The following ADGRL3 variants were observed in gnomAD, a reference collection of about 807,000 sequenced individuals.
The protein encoded by ADGRL3 is calcium-independent alpha-latrotoxin receptor 3.
Under a neutral mutation model 153.5 loss-of-function variants are expected in ADGRL3, and 62 were observed. The observed-to-expected ratio is 0.40, with a 90% CI of 0.33 to 0.50. ADGRL3 has a LOEUF of 0.50. Among genes scored for constraint, ADGRL3 ranks in the 20% least tolerant of loss-of-function variants. The pLI is 0.47. For missense variants in ADGRL3, 1,641 were observed against 1,859.4 expected, an observed-to-expected ratio of 0.88 and a Z score of 2.16; for synonymous variants, 710 against 672.5, an observed-to-expected ratio of 1.06 and a Z score of -0.86.
chr4:61,832,535 G>A (rs899715874), intron 9 of ADGRL3, among the ~76,000 whole-genome samples: 6 of 152,136 alleles, frequency 3.9e-5, no homozygotes, highest in Non-Finnish European at 2.9e-5. Context: ...CATCAGACCT[G>A]GTTCTGAGAC....
chr4:61,410,880 T>A (rs1236791104), intron 2 of ADGRL3, among the ~76,000 whole-genome samples: 1 of 152,202 alleles, frequency 6.6e-6, no homozygotes, highest in Non-Finnish European at 1.5e-5. Flanking sequence ...CAGCAGGAAC[T>A]GGGATTCCAA....
chr4:61,533,802 A>G (rs988832189), intron 4 of ADGRL3, among the ~76,000 whole-genome samples: 1 of 152,114 alleles, frequency 6.6e-6, no homozygotes, highest in Admixed American at 6.6e-5. Flanking sequence ...ACTCTTTTTG[A>G]AATTTTAGCG....
intron 2 of ADGRL3, among the ~76,000 whole-genome samples, chr4:61,442,151 A>G (rs190129143): frequency 6.6e-6 from 1 of 152,330 alleles, no homozygotes; most frequent in East Asian, 1.9e-4. Context: ...TGATAACTGT[A>G]ATGTTAGTTC....
chr4:61,314,998 G>A (rs73825106), intron 1 of ADGRL3, among the ~76,000 whole-genome samples: 5,019 of 152,240 alleles, frequency 0.033, 168 homozygotes, highest in African/African-American at 0.082. Context: ...ATTGGAAATG[G>A]CAATTCATTT....
chr4:61,549,744 A>G (rs2098731777), intron 4 of ADGRL3, among the ~76,000 whole-genome samples: 1 of 152,008 alleles, frequency 6.6e-6, no homozygotes. Context: ...AGGGCCTTGA[A>G]CAATATCTTG....
chr4:61,745,662 G>A (rs2096647640), intron 8 of ADGRL3, among the ~76,000 whole-genome samples: 1 of 152,328 alleles, frequency 6.6e-6, no homozygotes, highest in South Asian at 2.1e-4. Context: ...CAAATGCTGA[G>A]AGATTTTGTC....
At chr4:62,007,409 CGTATATAT>C (rs2099164364) in intron 21 of ADGRL3, among the ~76,000 whole-genome samples, 1 of 90,864 alleles carries the variant, frequency 1.1e-5, no homozygotes, top group Admixed American at 1.2e-4. Context: ...TATATATACA[CGTATATAT>C]ATATACACAT....
chr4:61,955,470 A>T (rs2098962565), intron 17 of ADGRL3, among the ~76,000 whole-genome samples: 1 of 152,204 alleles, frequency 6.6e-6, no homozygotes, highest in Non-Finnish European at 1.5e-5. Flanking sequence ...ATTTTTCTTT[A>T]AGTACATGAC....
intron 5 of ADGRL3, among the ~76,000 whole-genome samples, chr4:61,594,880 A>T (rs1213311908): frequency 6.6e-6 from 1 of 152,070 alleles, no homozygotes; most frequent in African/African-American, 2.4e-5. Context: ...TGGAACTTAA[A>T]CCACAATACA....
chr4:61,395,928 A>G (rs753996708), intron 2 of ADGRL3, among the ~76,000 whole-genome samples: 29 of 151,934 alleles, frequency 1.9e-4, no homozygotes, highest in Non-Finnish European at 3.2e-4. Context: ...TTGAGAGCGC[A>G]TTGTGCTAAT....
At chr4:61,859,719 G>A (rs2149265864) in intron 9 of ADGRL3, among the ~76,000 whole-genome samples, 1 of 152,276 alleles carries the variant, frequency 6.6e-6, no homozygotes, top group South Asian at 2.1e-4. Context: ...ATTAAATGCT[G>A]AGGAATAACT....
At chr4:61,358,103 CTGT>C (rs964567472) in intron 1 of ADGRL3, among the ~76,000 whole-genome samples, 2 of 152,144 alleles carry the variant, frequency 1.3e-5, no homozygotes, top group African/African-American at 4.8e-5. Context: ...TTTACCAAAG[CTGT>C]TGTTTTTCTG....
At chr4:61,847,554 G>A (rs2098131191) in intron 9 of ADGRL3, among the ~76,000 whole-genome samples, 1 of 123,712 alleles carries the variant, frequency 8.1e-6, no homozygotes, top group Non-Finnish European at 1.6e-5. Context: ...AGTCCCAAAT[G>A]AGAAATTATA....
At chr4:61,586,535 A>C (rs2098947368) in intron 4 of ADGRL3, among the ~76,000 whole-genome samples, 1 of 152,162 alleles carries the variant, frequency 6.6e-6, no homozygotes, top group African/African-American at 2.4e-5. Flanking sequence ...AAATTTTCAG[A>C]GTAAAGTGAA....
intron 1 of ADGRL3, among the ~76,000 whole-genome samples, chr4:61,371,879 A>T (rs1202759172): frequency 6.6e-6 from 1 of 152,174 alleles, no homozygotes; most frequent in Non-Finnish European, 1.5e-5. Context: ...AAGCAGATGT[A>T]GATTTGGTCT....
At chr4:61,782,401 A>T (rs927967113) in intron 8 of ADGRL3, among the ~76,000 whole-genome samples, 1 of 152,166 alleles carries the variant, frequency 6.6e-6, no homozygotes, top group Non-Finnish European at 1.5e-5. Context: ...AGCATTGCTT[A>T]TGGTAATGAA....
intron 21 of ADGRL3, among the ~76,000 whole-genome samples, chr4:62,009,478 T>C (rs2099174078): frequency 6.6e-6 from 1 of 152,110 alleles, no homozygotes; most frequent in Admixed American, 6.6e-5. Flanking sequence ...TTTTGGACAT[T>C]AAATGTACAC....
intron 2 of ADGRL3, among the ~76,000 whole-genome samples, chr4:61,469,850 C>T (rs908617135): frequency 3.3e-5 from 5 of 151,734 alleles, no homozygotes; most frequent in East Asian, 1.9e-4. Flanking sequence ...AAACTCTATA[C>T]GCATATGAAG....
chr4:61,326,599 A>ATGTG (rs34387631), intron 1 of ADGRL3, among the ~76,000 whole-genome samples: 2,541 of 140,700 alleles, frequency 0.018, 75 homozygotes, highest in African/African-American at 0.057. Context: ...ATGCCAGATA[A>ATGTG]TGTGTGTGTG....
Sources: allele counts gnomAD v4.1 joint callset (sites outside exome capture counted in the v4.1 genomes callset), GRCh38; gene constraint gnomAD v4.1.1; transcripts MANE v1.5; gene names NCBI Gene and HGNC (gene_info 2026-07-23, HGNC 2026-07-21).